TNKS: variants seen among roughly 807,000 people sequenced by gnomAD.
TNKS encodes tankyrase, also known as poly [ADP-ribose] polymerase tankyrase-1.
A neutral mutation model predicts 135.8 loss-of-function variants in TNKS; 72 were observed. That is an observed-to-expected ratio of 0.53 (90% CI 0.44 to 0.64). The LOEUF (loss-of-function observed/expected upper bound fraction) is 0.64, where lower values mean the gene tolerates loss of function less well. Ranked by LOEUF, TNKS falls within the 30% of genes least tolerant of loss-of-function variation. The probability of loss-of-function intolerance (pLI) is 0.00; values close to 1 mark genes in which losing one functional copy is unlikely to be tolerated. For synonymous variants in TNKS, 849 were observed against 649.3 expected (o/e 1.31, Z -4.68); for missense variants, 1,769 against 1,674.0 (o/e 1.06, Z -0.99).
chr8:9,590,987 C>G (rs529102507), intron 2 of TNKS, among the ~76,000 whole-genome samples: 1 of 152,254 alleles, frequency 6.6e-6, no homozygotes, highest in African/African-American at 2.4e-5. Context: ...CATTGTCGAA[C>G]CCTAGATCAT....
chr8:9,686,514 A>C (rs112764535), intron 5 of TNKS, among the ~76,000 whole-genome samples: 3,643 of 152,068 alleles, frequency 0.024, 141 homozygotes, highest in African/African-American at 0.081. Flanking sequence ...AGAAAATATA[A>C]CTCAATGCTT....
At chr8:9,764,147 C>T (rs1034973946) in intron 22 of TNKS, among the ~76,000 whole-genome samples, 4 of 151,980 alleles carry the variant, frequency 2.6e-5, no homozygotes, top group African/African-American at 9.7e-5. Flanking sequence ...AGTTAATTCT[C>T]TGAGAAACTT....
intron 3 of TNKS, among the ~76,000 whole-genome samples, chr8:9,620,017 T>C (rs1448384125): frequency 6.6e-6 from 1 of 151,930 alleles, no homozygotes; most frequent in Admixed American, 6.6e-5. Flanking sequence ...TGGCGCTATC[T>C]TGGCTCACTG....
At chr8:9,577,631 G>A (rs1262291731) in intron 1 of TNKS, among the ~76,000 whole-genome samples, 4 of 152,134 alleles carry the variant, frequency 2.6e-5, no homozygotes, top group African/African-American at 9.7e-5. Context: ...AGGGAAATCT[G>A]CCTCCATGAT....
intron 23 of TNKS, among the ~76,000 whole-genome samples, chr8:9,765,371 A>G (rs1368419021): frequency 6.6e-6 from 1 of 152,158 alleles, no homozygotes. Flanking sequence ...ATACAGATTT[A>G]CAGATCCCCA....
chr8:9,576,736 C>G (rs1231112226), intron 1 of TNKS, among the ~76,000 whole-genome samples: 1 of 151,986 alleles, frequency 6.6e-6, no homozygotes, highest in Non-Finnish European at 1.5e-5. Context: ...GGTGGGGACA[C>G]AGAGCCAAAC....
chr8:9,746,658 A>G lies in TNKS; in HGVS notation c.2644-1366A>G, dbSNP rs1187883004. 3.3e-5 allele frequency among the ~76,000 whole-genome samples: 5 copies of G among 151,880 alleles called. No individual in the cohort carries two copies. In the East Asian group the frequency reaches 5.8e-4, roughly 18 times the overall value. ...TATTAATCCCCTATTCCATTTCGTAATCTCCCTGGAGCCCCCAGCCCCAGT... is the reference window on the plus strand; with the variant it reads ...TATTAATCCCCTATTCCATTTCGTAGTCTCCCTGGAGCCCCCAGCCCCAGT... On this transcript the variant is annotated intron_variant, in intron 17 of 26. Coordinates refer to ENST00000310430, the MANE Select transcript of TNKS (RefSeq NM_003747.3).
chr8:9,701,526 C>T (rs1803803854), intron 5 of TNKS, among the ~76,000 whole-genome samples: 1 of 152,146 alleles, frequency 6.6e-6, no homozygotes. Context: ...AATGAAAAGT[C>T]CAATTCAGTC....
rs1476352998 is a variant in TNKS at position 9,712,576 on chromosome 8, T to A, written c.1749+2356T>A. Among the ~76,000 whole-genome samples, 4 of 152,150 alleles carry A rather than the reference T, an allele frequency of 2.6e-5. 1 individual carries two copies. Among genetic ancestry groups the A allele is most frequent in the Admixed American group, 6.5e-5 (1 of 15,270 alleles). On this transcript the variant is annotated intron_variant, in intron 11 of 26. Coordinates refer to ENST00000310430, the MANE Select transcript of TNKS (RefSeq NM_003747.3). ...AAATGTTTAAACTACAGTCAATGGA[T>A]ATTTTCTAGCATAAGTAATTAAAAT...
intron 2 of TNKS, among the ~76,000 whole-genome samples, chr8:9,609,890 C>T (rs1475762125): frequency 6.6e-6 from 1 of 152,096 alleles, no homozygotes; most frequent in African/African-American, 2.4e-5. Context: ...TGGAGTCTCG[C>T]TCTGTCGGCC....
chr8:9,702,362 A>G (rs1258488536), intron 5 of TNKS, among the ~76,000 whole-genome samples: 1 of 152,178 alleles, frequency 6.6e-6, no homozygotes, highest in African/African-American at 2.4e-5. Context: ...AAGGCACATC[A>G]TAATCAAATT....
rs1400290473 is a variant in TNKS, at chr8:9,629,872, C to G, written c.994+14195C>G. On this transcript the variant is annotated intron_variant, in intron 3 of 26. Coordinates refer to ENST00000310430, the MANE Select transcript of TNKS (RefSeq NM_003747.3). ...TAATTTTTTGTATTTTTAGTAGAGA[C>G]GGGGTTTCACCGTGTTAGCCAGGAT... Among the ~76,000 whole-genome samples the G allele has an allele frequency of 1.3e-5, 2 of 152,082 alleles. 1 individual carries two copies. Among genetic ancestry groups the G allele is most frequent in the South Asian group, 4.1e-4 (2 of 4,820 alleles).
intron 12 of TNKS, among the ~76,000 whole-genome samples, chr8:9,725,133 C>T (rs1001296842): frequency 6.6e-6 from 1 of 152,066 alleles, no homozygotes; most frequent in African/African-American, 2.4e-5. Context: ...TATGTGCACA[C>T]TTATAATGGA....
At position 9,764,761 on chromosome 8, in the gene TNKS, G is replaced by A. The variant is rs1486709870; in HGVS notation, c.3418G>A (p.Gly1140Ser). The A allele has an allele frequency of 3.8e-6, 6 of 1,596,692 alleles. No homozygotes were observed. Among genetic ancestry groups the A allele is most frequent in the Non-Finnish European group, 4.3e-6 (5 of 1,173,216 alleles). The change falls in exon 23 of 27, where the codon GGC becomes AGC. Residue 1140 changes from glycine (G) to serine (S), a missense_variant. Around this residue, in one of 5 missense-constraint regions of TNKS, gnomAD observed 722 missense variants for 688.9 expected, o/e 1.05. Coordinates refer to ENST00000310430, the MANE Select transcript of TNKS (RefSeq NM_003747.3). ...ACACAGAGATGGTGGTAATGCTGGC[G>A]GCATCTTCAACAGATACAATGTCAT... ...REHRDGGNAG[G>S]IFNRYNVIRI...
intron 5 of TNKS, among the ~76,000 whole-genome samples, chr8:9,691,467 C>G (rs992359010): frequency 6.6e-6 from 1 of 152,146 alleles, no homozygotes; most frequent in African/African-American, 2.4e-5. Flanking sequence ...TCTTGCCCCT[C>G]AGCTATATTA....
At chr8:9,584,641 G>C (rs1166205916) in intron 2 of TNKS, among the ~76,000 whole-genome samples, 2 of 152,152 alleles carry the variant, frequency 1.3e-5, no homozygotes, top group African/African-American at 4.8e-5. Context: ...CAGAGATCTT[G>C]AGAAGGTTGC....
chr8:9,580,456 T>G (rs1798124187), intron 2 of TNKS, 73 bp downstream of exon 2: 4 of 1,366,588 alleles, frequency 2.9e-6, no homozygotes, highest in Non-Finnish European at 4.0e-6. Context: ...ACAAATAGTG[T>G]TTCCTGAGAA....
rs372040890 is a variant in TNKS at position 9,717,530 on chromosome 8, A to C, written c.1750-2844A>C. Among the ~76,000 whole-genome samples, 384 of 152,276 alleles carry C rather than the reference A, an allele frequency of 2.5e-3. 10 individuals carry two copies. The South Asian group carries it at 0.076, about 30-fold the overall frequency. On this transcript the variant is annotated intron_variant, in intron 11 of 26. Coordinates refer to ENST00000310430, the MANE Select transcript of TNKS (RefSeq NM_003747.3). ...TTGGTTAGATAGCGAACATTTTAGT[A>C]GTTCCTAATGTTTGTTCAATATACA...
At chr8:9,580,455 G>A in intron 2 of TNKS, 72 bp downstream of exon 2, 1 of 1,374,408 alleles carries the variant, frequency 7.3e-7, no homozygotes, top group Admixed American at 1.9e-5. Flanking sequence ...TACAAATAGT[G>A]TTTCCTGAGA....
Sources: gnomAD v4.1 joint callset for allele counts (sites outside exome capture counted in the v4.1 genomes callset) on GRCh38, gnomAD v4.1.1 for gene constraint, gnomAD v4.1.1 regional missense constraint, MANE v1.5 for transcripts, NCBI Gene and HGNC (gene_info 2026-07-23, HGNC 2026-07-21) for gene names.